ARHGAP25: variants seen among roughly 807,000 people sequenced by gnomAD.
ARHGAP25 encodes the protein Rho GTPase activating protein 25, also known as rho GTPase-activating protein 25.
In ARHGAP25, 34 loss-of-function variants were observed where a neutral mutation model predicts 71.0. The ratio of observed to expected loss-of-function variants is 0.48; its 90% CI spans 0.36 to 0.64. The LOEUF (loss-of-function observed/expected upper bound fraction) is 0.64. ARHGAP25 is among the 30% of genes least tolerant of loss of function. ARHGAP25 has a pLI of 0.00. For synonymous variants in ARHGAP25, 282 were observed against 296.5 expected, an observed-to-expected ratio of 0.95 and a Z score of 0.50; for missense variants, 706 against 805.1, an observed-to-expected ratio of 0.88 and a Z score of 1.49.
Position 68,822,944 on chromosome 2 carries a change from C to CTCTT in ARHGAP25, c.1733+72_1733+73insTCTT. The stretch of plus-strand genomic sequence containing the variant: ...AGAGACAAGAGGGATTGTTCCCATC[C>CTCTT]GCCAGAGAAGTCACATCATAAAGCT... On this transcript the variant is annotated intron_variant, in intron 10 of 10. Transcript: ENST00000409202. 6 of 1,445,296 alleles carry CTCTT rather than the reference C, an allele frequency of 4.2e-6. No individual in the cohort carries two copies. The Admixed American group carries it at 1.3e-4, about 32-fold the overall frequency. 89.5% of individuals were successfully genotyped at this position (1,445,296 alleles called of 1,614,324 possible). A position where few individuals can be genotyped will look rare whatever the true frequency, so the allele number is the denominator to read the frequency against.
rs1404139017 is a variant in ARHGAP25 at position 68,817,734 on chromosome 2, G to A, written c.882-139G>A. On this transcript the variant is annotated intron_variant, in intron 7 of 10. Coordinates refer to ENST00000409202, the MANE Select transcript of ARHGAP25 (RefSeq NM_001007231.3). ...TCTTTCAGGATGAGGCTAAATTCTT[G>A]TGGGCAGAGCAGGCTGGTCTCATTC... 6 of 1,067,676 alleles carry A rather than the reference G, an allele frequency of 5.6e-6. No individual in the cohort carries two copies. The East Asian group carries it at 8.1e-5, about 14-fold the overall frequency. 66.1% of individuals were successfully genotyped at this position (1,067,676 alleles called of 1,614,324 possible).
intron 1 of ARHGAP25, among the ~76,000 whole-genome samples, chr2:68,749,317 A>G (rs1256186092): frequency 1.3e-5 from 2 of 152,148 alleles, no homozygotes; most frequent in African/African-American, 4.8e-5. Context: ...ACTGACTGAC[A>G]TTCTGCCACC....
rs189190656 is a variant in ARHGAP25 at position 68,711,209 on chromosome 2, A to G, written c.-18+511A>G. Among the ~76,000 whole-genome samples the G allele has an allele frequency of 3.2e-3, 481 of 152,264 alleles. 1 individual carries two copies. Among genetic ancestry groups the G allele is most frequent in the South Asian group, 0.018 (89 of 4,826 alleles). ...CTCTTCAGCCTTGGTGCTGACCTTC[A>G]TGAACATCCATGGTGCTGGTTGTGG... On this transcript the variant is annotated intron_variant and NMD_transcript_variant, in intron 2 of 7. Coordinates refer to the ARHGAP25 transcript ENST00000463483.
chr2:68,777,226 C>T (rs1057067468), intron 2 of ARHGAP25, among the ~76,000 whole-genome samples: 1 of 152,144 alleles, frequency 6.6e-6, no homozygotes, highest in Non-Finnish European at 1.5e-5. Context: ...TTGGCCACCC[C>T]AGATCAATGA....
At chr2:68,727,080 A>G (rs931262083) in intron 2 of ARHGAP25, among the ~76,000 whole-genome samples, 17 of 152,222 alleles carry the variant, frequency 1.1e-4, no homozygotes, top group Non-Finnish European at 2.1e-4. Flanking sequence ...CAGGACGTAC[A>G]TGCTGAGGCA....
chr2:68,777,357 C>G (rs1458833717), intron 2 of ARHGAP25, among the ~76,000 whole-genome samples: 1 of 152,204 alleles, frequency 6.6e-6, no homozygotes, highest in African/African-American at 2.4e-5. Context: ...TTTTTCCGGA[C>G]CCCGCTTTAT....
chr2:68,730,669 G>T (rs1675000564), upstream of ARHGAP25, among the ~76,000 whole-genome samples: 1 of 147,286 alleles, frequency 6.8e-6, no homozygotes, highest in Non-Finnish European at 1.5e-5. Context: ...AAAAAAAAAA[G>T]TTCTCCTCAG....
At chr2:68,715,150 G>A (rs1408858587) in intron 2 of ARHGAP25, among the ~76,000 whole-genome samples, 1 of 152,168 alleles carries the variant, frequency 6.6e-6, no homozygotes, top group Admixed American at 6.5e-5. Flanking sequence ...TGCCTGGGGA[G>A]GATGGGACTT....
intron 4 of ARHGAP25, among the ~76,000 whole-genome samples, chr2:68,802,236 G>A (rs767719364): frequency 1.6e-4 from 12 of 74,562 alleles, no homozygotes; most frequent in Non-Finnish European, 3.4e-4. Flanking sequence ...GAGAAACCCC[G>A]TCTCTACTAA....
At chr2:68,788,296 T>G (rs1678901458) in intron 4 of ARHGAP25, among the ~76,000 whole-genome samples, 1 of 152,212 alleles carries the variant, frequency 6.6e-6, no homozygotes, top group South Asian at 2.1e-4. Flanking sequence ...AATGAATGGG[T>G]TGGATAAGCT....
At chr2:68,747,484 C>T (rs1445352170) in intron 1 of ARHGAP25, among the ~76,000 whole-genome samples, 1 of 152,194 alleles carries the variant, frequency 6.6e-6, no homozygotes, top group Non-Finnish European at 1.5e-5. Context: ...GAAGCTGGCT[C>T]CGGTCCCAGG....
intron 4 of ARHGAP25, among the ~76,000 whole-genome samples, chr2:68,798,875 T>C (rs1679761856): frequency 6.6e-6 from 1 of 152,200 alleles, no homozygotes; most frequent in East Asian, 1.9e-4. Context: ...GATAGCTTTG[T>C]TAAGGATGTT....
chr2:68,736,298 A>G (rs1170927107), intron 1 of ARHGAP25, among the ~76,000 whole-genome samples: 1 of 152,226 alleles, frequency 6.6e-6, no homozygotes, highest in Non-Finnish European at 1.5e-5. Context: ...CTTGATAACT[A>G]GGGGAGATTA....
rs1677740134 is a variant in ARHGAP25 at position 68,774,730 on chromosome 2, C to G, written c.62-491C>G. 1.7e-5 allele frequency: 17 copies of G among 1,011,212 alleles called. No homozygotes were observed. The South Asian group carries it at 3.5e-4, about 21-fold the overall frequency. 62.6% of individuals were successfully genotyped at this position (1,011,212 alleles called of 1,614,324 possible). A position where few individuals can be genotyped will look rare whatever the true frequency, so the allele number is the denominator to read the frequency against. ...TAACAGCTTCTGTCTTGCGGCCCCT[C>G]CTCTAGCCGGCCGCTGTGGAAGAGT... is the stretch of plus-strand genomic sequence containing the variant. On this transcript the variant is annotated intron_variant, in intron 1 of 10. Coordinates refer to ENST00000409202, the MANE Select transcript of ARHGAP25 (RefSeq NM_001007231.3).
At chr2:68,725,248 C>T (rs1674855897) in intron 2 of ARHGAP25, among the ~76,000 whole-genome samples, 1 of 152,174 alleles carries the variant, frequency 6.6e-6, no homozygotes, top group African/African-American at 2.4e-5. Context: ...CTAAGGTCTC[C>T]GCTTTTACCC....
At chr2:68,762,258 T>A (rs1472579650) in intron 1 of ARHGAP25, among the ~76,000 whole-genome samples, 1 of 152,126 alleles carries the variant, frequency 6.6e-6, no homozygotes, top group Non-Finnish European at 1.5e-5. Context: ...AACTCTGTAA[T>A]GGGTACAGAA....
rs576921701 is a variant in ARHGAP25, at chr2:68,800,030, A to G, written c.467-7243A>G. Reference sequence around the variant, plus strand: ...TGGGATTTCAGGAGGAAAACCCCCAAGCTCCGAAAGAAAGGTATTTCTTTT... The same window carrying G: ...TGGGATTTCAGGAGGAAAACCCCCAGGCTCCGAAAGAAAGGTATTTCTTTT... On this transcript the variant is annotated intron_variant, in intron 4 of 10. Transcript: ENST00000409202. 3.3e-5 allele frequency among the ~76,000 whole-genome samples: 5 copies of G among 152,290 alleles called. No homozygotes were observed. In the East Asian group the frequency reaches 9.6e-4, roughly 29 times the overall value.
chr2:68,754,888 G>C (rs1284478845), intron 1 of ARHGAP25, among the ~76,000 whole-genome samples: 1 of 151,954 alleles, frequency 6.6e-6, no homozygotes, highest in Non-Finnish European at 1.5e-5. Context: ...TCAAAATTTT[G>C]CTCATTAAAA....
chr2:68,734,584 T>A (rs1675115090), upstream of ARHGAP25, among the ~76,000 whole-genome samples: 1 of 152,146 alleles, frequency 6.6e-6, no homozygotes, highest in South Asian at 2.1e-4. Context: ...GAGCTTAGAG[T>A]TGAAGTAGAT....
Sources: allele counts gnomAD v4.1 joint callset (sites outside exome capture counted in the v4.1 genomes callset), GRCh38; gene constraint gnomAD v4.1.1; transcripts MANE v1.5; gene names NCBI Gene and HGNC (gene_info 2026-07-23, HGNC 2026-07-21).